The following JAZF1 variants were observed in gnomAD, a reference collection of about 807,000 sequenced individuals.
JAZF1 encodes JAZF zinc finger 1.
JAZF1 carries 8 observed loss-of-function variants against 26.4 expected under a neutral mutation model. The ratio of observed to expected loss-of-function variants is 0.30; its 90% CI spans 0.18 to 0.55. The LOEUF (loss-of-function observed/expected upper bound fraction) is 0.55. JAZF1 is among the 20% of genes least tolerant of loss of function. The pLI is 0.94. For synonymous variants in JAZF1, 126 were observed against 122.3 expected (o/e 1.03, Z -0.20); for missense variants, 199 against 322.0 (o/e 0.62, Z 2.92).
At chr7:27,990,848 T>C (rs998595497) in intron 2 of JAZF1, among the ~76,000 whole-genome samples, 3 of 152,192 alleles carry the variant, frequency 2.0e-5, no homozygotes, top group Non-Finnish European at 4.4e-5. Context: ...ACATGTCAAA[T>C]ATTATTGGTA....
intron 2 of JAZF1, among the ~76,000 whole-genome samples, chr7:27,915,993 AT>A (rs1201356423): frequency 6.6e-6 from 1 of 152,160 alleles, no homozygotes; most frequent in East Asian, 1.9e-4. Flanking sequence ...TAAATCTCTT[AT>A]CCCTGTACTT....
chr7:27,867,756 A>G (rs1182921351), intron 3 of JAZF1, among the ~76,000 whole-genome samples: 2 of 152,228 alleles, frequency 1.3e-5, no homozygotes, highest in Admixed American at 1.3e-4. Context: ...TCCAGGCATG[A>G]CAACAAAGAC....
intron 1 of JAZF1, among the ~76,000 whole-genome samples, chr7:28,135,908 G>A (rs1054586777): frequency 1.8e-4 from 28 of 152,192 alleles, no homozygotes; most frequent in Admixed American, 1.8e-3. Flanking sequence ...TCCTGTATTA[G>A]AGTCTTGTAC....
chr7:28,100,467 G>A (rs954366266), intron 1 of JAZF1, among the ~76,000 whole-genome samples: 1 of 151,994 alleles, frequency 6.6e-6, no homozygotes, highest in Admixed American at 6.5e-5. Flanking sequence ...TATTAAATGA[G>A]GAGGTCTCCA....
chr7:27,940,057 C>G (rs922398818), intron 2 of JAZF1, among the ~76,000 whole-genome samples: 13 of 152,300 alleles, frequency 8.5e-5, no homozygotes, highest in Non-Finnish European at 1.9e-4. Context: ...CAGCAGTGAG[C>G]AGCTCCCTGT....
intron 3 of JAZF1, among the ~76,000 whole-genome samples, chr7:27,871,637 T>C (rs530894505): frequency 8.5e-5 from 13 of 152,366 alleles, no homozygotes; most frequent in Non-Finnish European, 1.8e-4. Flanking sequence ...CATTTCAAAC[T>C]GCTTCAGGGG....
chr7:27,923,029 G>A (rs1254905872), intron 2 of JAZF1, among the ~76,000 whole-genome samples: 1 of 152,234 alleles, frequency 6.6e-6, no homozygotes, highest in Non-Finnish European at 1.5e-5. Context: ...TTATGAGGAG[G>A]CCGTGGTCTG....
chr7:28,007,079 G>A (rs1211213914), intron 1 of JAZF1, among the ~76,000 whole-genome samples: 3 of 152,136 alleles, frequency 2.0e-5, no homozygotes, highest in Non-Finnish European at 4.4e-5. Context: ...CTACTGCAAT[G>A]GGATGTCAAC....
intron 1 of JAZF1, among the ~76,000 whole-genome samples, chr7:28,027,483 A>C (rs1388246004): frequency 1.3e-5 from 2 of 152,160 alleles, no homozygotes; most frequent in Non-Finnish European, 2.9e-5. Context: ...CATATTGATA[A>C]AGTTTTTTGA....
chr7:27,881,144 A>G (rs1446518618), intron 3 of JAZF1, among the ~76,000 whole-genome samples: 1 of 152,144 alleles, frequency 6.6e-6, no homozygotes, highest in Non-Finnish European at 1.5e-5. Context: ...TCATAATTTT[A>G]TGGTTTTAGT....
At chr7:27,987,445 G>T (rs961895395) in intron 2 of JAZF1, among the ~76,000 whole-genome samples, 1 of 152,114 alleles carries the variant, frequency 6.6e-6, no homozygotes, top group Non-Finnish European at 1.5e-5. Context: ...GAAGTGAGGA[G>T]CATTTCCGCC....
intron 1 of JAZF1, among the ~76,000 whole-genome samples, chr7:28,153,527 C>T (rs1426050230): frequency 6.6e-6 from 1 of 152,102 alleles, no homozygotes; most frequent in East Asian, 1.9e-4. Context: ...GATGACGATA[C>T]CAGGAAATTC....
At chr7:27,838,154 T>C (rs1316303232) in intron 4 of JAZF1, among the ~76,000 whole-genome samples, 2 of 152,186 alleles carry the variant, frequency 1.3e-5, no homozygotes, top group Non-Finnish European at 2.9e-5. Context: ...ATTCCCTGGG[T>C]GTCTTGTCTC....
At chr7:28,087,288 G>C (rs925469369) in intron 1 of JAZF1, among the ~76,000 whole-genome samples, 5 of 151,650 alleles carry the variant, frequency 3.3e-5, no homozygotes, top group African/African-American at 1.2e-4. Flanking sequence ...AGCTATTCTA[G>C]GAATCAATCT....
intron 3 of JAZF1, among the ~76,000 whole-genome samples, chr7:27,886,165 C>T (rs1454962482): frequency 6.6e-6 from 1 of 152,154 alleles, no homozygotes; most frequent in Non-Finnish European, 1.5e-5. Flanking sequence ...TGGCCCTATC[C>T]TTATTTTATT....
At chr7:27,922,028 G>T (rs1784537148) in intron 2 of JAZF1, among the ~76,000 whole-genome samples, 1 of 152,154 alleles carries the variant, frequency 6.6e-6, no homozygotes, top group Non-Finnish European at 1.5e-5. Context: ...AAAATTCAGT[G>T]AATTTCTTAA....
chr7:27,967,344 G>A (rs371018586), intron 2 of JAZF1, among the ~76,000 whole-genome samples: 1 of 151,890 alleles, frequency 6.6e-6, no homozygotes, highest in South Asian at 2.1e-4. Flanking sequence ...GGATCTGTGG[G>A]GTCCTCTGCT....
chr7:28,155,779 CTGTG>C (rs371310104), intron 1 of JAZF1, among the ~76,000 whole-genome samples: 1 of 152,148 alleles, frequency 6.6e-6, no homozygotes, highest in South Asian at 2.1e-4. Flanking sequence ...ATGTGTGTGT[CTGTG>C]TGTGTGTGCA....
chr7:27,964,734 A>G (rs548338285), intron 2 of JAZF1, among the ~76,000 whole-genome samples: 4 of 151,840 alleles, frequency 2.6e-5, no homozygotes, highest in Non-Finnish European at 5.9e-5. Flanking sequence ...AAAAGAACCA[A>G]CATATTTTGG....
Sources: allele counts gnomAD v4.1 joint callset (sites outside exome capture counted in the v4.1 genomes callset), GRCh38; gene constraint gnomAD v4.1.1; transcripts MANE v1.5; gene names NCBI Gene and HGNC (gene_info 2026-07-23, HGNC 2026-07-21).